The following MOK variants were observed in gnomAD, a reference collection of about 807,000 sequenced individuals.
MOK encodes the protein MAPK/MAK/MRK overlapping kinase.
In MOK, 59 loss-of-function variants were observed where a neutral mutation model predicts 54.2. The ratio of observed to expected loss-of-function variants is 1.09; its 90% CI spans 0.88 to 1.35. The LOEUF is 1.35. Among genes scored for constraint, MOK ranks in the 40% most tolerant of loss-of-function variants. The pLI, the probability that MOK is intolerant of heterozygous loss-of-function variation, is 0.00. For missense variants in MOK, 517 were observed against 526.2 expected, an observed-to-expected ratio of 0.98 and a Z score of 0.17; for synonymous variants, 210 against 202.7, an observed-to-expected ratio of 1.04 and a Z score of -0.31.
chr14:102,250,682 A>T (rs2066454564), intron 7 of MOK, 130 bp downstream of exon 7: 1 of 981,082 alleles, frequency 1.0e-6, no homozygotes, highest in African/African-American at 1.6e-5. Context: ...TTTTCTGTTA[A>T]ATTAAAAACA....
At chr14:102,226,114 A>G (rs1289378233), downstream of MOK, 1 of 575,970 alleles carries the variant, frequency 1.7e-6, no homozygotes, top group East Asian at 3.0e-5. The surrounding 1 kb of genome is among the most constrained non-coding windows in gnomAD (Gnocchi z 4.8). Context: ...CTGTCACACG[A>G]AGACGTGCAC....
At chr14:102,256,104 ATT>A (rs55845343) in intron 4 of MOK, among the ~76,000 whole-genome samples, 3 of 146,690 alleles carry the variant, frequency 2.0e-5, no homozygotes, top group Admixed American at 6.8e-5. Flanking sequence ...AGTTATTATT[ATT>A]TTTTTTTTTT....
the MOK span, among the ~76,000 whole-genome samples, chr14:102,216,637 A>C: frequency 6.6e-6 from 1 of 152,220 alleles, no homozygotes; most frequent in African/African-American, 2.4e-5. Context: ...AAATAAAAAT[A>C]GCTAGTTCTC....
intron 1 of MOK, among the ~76,000 whole-genome samples, chr14:102,285,728 C>T (rs1355965190): frequency 6.6e-6 from 1 of 151,866 alleles, no homozygotes; most frequent in African/African-American, 2.4e-5. Context: ...CACGTCTCTA[C>T]TAAAAATACA....
rs149149830 is a variant in MOK at position 102,236,901 on chromosome 14, G to A, written c.591-3112C>T. On this transcript the variant is annotated intron_variant, in intron 7 of 11. Transcript: ENST00000361847. The surrounding 1 kb of genome is among the most constrained non-coding windows in gnomAD (Gnocchi z 4.5). ...GTTAAAAAATCAGACGGCTCATACC[G>A]ACTCCTGCAAGACCTCCGAGCCATC... 0.01 allele frequency among the ~76,000 whole-genome samples: 1,578 copies of A among 152,054 alleles called. 28 individuals carry two copies. The highest frequency in any genetic ancestry group is 0.035 in the African/African-American group (1,470 of 41,432).
At position 102,232,754 on chromosome 14, in the gene MOK, G is replaced by C; in HGVS notation, c.693-46C>G. Reference sequence around the variant, plus strand: ...TAATAAATGGTCATGCTGTCACTGAGCGCACCGGTGGTCCACTGTCACAAC... The same window carrying C: ...TAATAAATGGTCATGCTGTCACTGACCGCACCGGTGGTCCACTGTCACAAC... On this transcript the variant is annotated intron_variant, in intron 8 of 11. Transcript: ENST00000361847. This position sits in a 1 kb window ranked among gnomAD's most constrained non-coding sequence, Gnocchi z 5.1. 6.4e-7 allele frequency: 1 copy of C among 1,550,452 alleles called. No homozygotes were observed. Among genetic ancestry groups the C allele is most frequent in the Non-Finnish European group, 8.8e-7 (1 of 1,133,520 alleles).
chr14:102,224,104 C>G (rs2064151943), downstream of MOK, among the ~76,000 whole-genome samples: 1 of 147,738 alleles, frequency 6.8e-6, no homozygotes, highest in Non-Finnish European at 1.5e-5. Context: ...TGCAGTGGCG[C>G]AATCTCGGCT....
intron 1 of MOK, among the ~76,000 whole-genome samples, chr14:102,302,036 G>A (rs2072267067): frequency 6.6e-6 from 1 of 151,292 alleles, no homozygotes; most frequent in South Asian, 2.1e-4. Context: ...ACAGGCGTGA[G>A]CCACTGCACC....
chr14:102,247,002 CA>C (rs2066142993), intron 7 of MOK, among the ~76,000 whole-genome samples: 1 of 152,098 alleles, frequency 6.6e-6, no homozygotes, highest in Admixed American at 6.5e-5. Flanking sequence ...ACCTCCTTAA[CA>C]AAAACTCAGA....
In MOK at chr14:102,235,550, C is replaced by CCTCCT. The variant is rs1470688085; in HGVS notation, c.591-1766_591-1762dup. ...TATCAACCCACAGGCCCCTGCCAGA[C>CCTCCT]CTCCTGTAATCATATGATTACTTGC... is the stretch of plus-strand genomic sequence containing the variant. On this transcript the variant is annotated intron_variant, in intron 7 of 11. Coordinates refer to ENST00000361847, the MANE Select transcript of MOK (RefSeq NM_014226.3). The surrounding 1 kb of genome is among the most constrained non-coding windows in gnomAD (Gnocchi z 4.4). 1 of 152,220 alleles carries CCTCCT rather than the reference C, an allele frequency of 6.6e-6. No individual in the cohort carries two copies. Among genetic ancestry groups the CCTCCT allele is most frequent in the African/African-American group, 2.4e-5 (1 of 41,432 alleles). 9.4% of individuals were successfully genotyped at this position (152,220 alleles called of 1,614,324 possible).
intron 4 of MOK, among the ~76,000 whole-genome samples, chr14:102,260,190 A>AG (rs1280388510): frequency 2.0e-5 from 3 of 151,290 alleles, no homozygotes; most frequent in African/African-American, 7.3e-5. Flanking sequence ...AAAAAAAAAA[A>AG]AAAAACTTAG....
chr14:102,232,736 T>A lies in MOK; in HGVS notation c.693-28A>T, dbSNP rs753028317. 5.0e-6 allele frequency: 8 copies of A among 1,594,730 alleles called. No individual in the cohort carries two copies. In the Admixed American group the frequency reaches 1.3e-4, roughly 27 times the overall value. ...GTATTAAAAACCCAATGATAATAAA[T>A]GGTCATGCTGTCACTGAGCGCACCG... On this transcript the variant is annotated intron_variant, in intron 8 of 11. Coordinates refer to ENST00000361847, the MANE Select transcript of MOK (RefSeq NM_014226.3). This position sits in a 1 kb window ranked among gnomAD's most constrained non-coding sequence, Gnocchi z 5.1.
chr14:102,304,718 G>A (rs986926551), intron 1 of MOK, among the ~76,000 whole-genome samples: 50 of 152,208 alleles, frequency 3.3e-4, no homozygotes, highest in African/African-American at 1.2e-3. Flanking sequence ...ACTCGAGTCG[G>A]CTCTCCGAGA....
rs1251315649 is a variant in MOK at position 102,229,111 on chromosome 14, G to A, written c.*178C>T. ...AAGTATATTAGCCCAGAACATCCTA[G>A]GCAGCTGCGCGGGCCGCGGGTGCGG... is the stretch of plus-strand genomic sequence containing the variant. On this transcript the variant is annotated 3_prime_UTR_variant, in exon 12 of 12. Coordinates refer to ENST00000361847, the MANE Select transcript of MOK (RefSeq NM_014226.3). 1.5e-5 allele frequency: 9 copies of A among 610,962 alleles called. No homozygotes were observed. Among genetic ancestry groups the A allele is most frequent in the Admixed American group, 6.7e-5 (2 of 29,720 alleles). 37.8% of individuals were successfully genotyped at this position (610,962 alleles called of 1,614,324 possible). A position where few individuals can be genotyped will look rare whatever the true frequency, so the allele number is the denominator to read the frequency against.
In MOK at chr14:102,229,017, T is replaced by C; in HGVS notation, c.*272A>G. On this transcript the variant is annotated 3_prime_UTR_variant, in exon 12 of 12. Transcript: ENST00000361847. ...CGTTTGTTTTGATTCATATACAAAG[T>C]TACAAAGTATTTCCTGCCCCAAATT... 3 of 482,972 alleles carry C rather than the reference T, an allele frequency of 6.2e-6. No individual in the cohort carries two copies. Among genetic ancestry groups the C allele is most frequent in the Non-Finnish European group, 1.1e-5 (3 of 275,708 alleles). The allele number at this position is 482,972 out of a possible 1,614,324, so 29.9% of individuals were successfully genotyped here.
chr14:102,248,290 G>A (rs183554791), intron 7 of MOK, among the ~76,000 whole-genome samples: 1 of 152,150 alleles, frequency 6.6e-6, no homozygotes, highest in East Asian at 1.9e-4. Flanking sequence ...TAGGCGCCAC[G>A]GTAAAGCCAG....
At position 102,232,483 on chromosome 14, in the gene MOK, T is replaced by A; in HGVS notation, c.866+52A>T. On this transcript the variant is annotated intron_variant, in intron 9 of 11. Coordinates refer to ENST00000361847, the MANE Select transcript of MOK (RefSeq NM_014226.3). The surrounding 1 kb of genome is among the most constrained non-coding windows in gnomAD (Gnocchi z 5.1). ...CCTTGCCCCACCATGTGCCCATGGG[T>A]CTCATTTGCCAGGTCCTGCATCTGC... The A allele has an allele frequency of 1.3e-6, 2 of 1,562,976 alleles. No homozygotes were observed. Among genetic ancestry groups the A allele is most frequent in the Non-Finnish European group, 1.7e-6 (2 of 1,148,110 alleles).
chr14:102,278,381 T>TAAA (rs71305084), intron 2 of MOK, among the ~76,000 whole-genome samples: 6 of 132,734 alleles, frequency 4.5e-5, no homozygotes, highest in African/African-American at 1.1e-4. Flanking sequence ...TACTTTTAAG[T>TAAA]AAAAAAAAAA....
In MOK at chr14:102,278,571, G is replaced by A. The variant is rs575732511; in HGVS notation, c.122+4907C>T. The A allele has an allele frequency of 1.6e-5, 7 of 429,928 alleles. No individual in the cohort carries two copies. The East Asian group carries it at 2.9e-4, about 18-fold the overall frequency. 26.6% of individuals were successfully genotyped at this position (429,928 alleles called of 1,614,324 possible). A position where few individuals can be genotyped will look rare whatever the true frequency, so the allele number is the denominator to read the frequency against. ...ATCAGCATCTGCAGCTGGGAAGAAC[G>A]GTGGGAAGATCACCAGCTCAGGACC... On this transcript the variant is annotated intron_variant, in intron 2 of 11. Coordinates refer to ENST00000361847, the MANE Select transcript of MOK (RefSeq NM_014226.3).
Sources: gnomAD v4.1 joint callset for allele counts (sites outside exome capture counted in the v4.1 genomes callset) on GRCh38, gnomAD v4.1.1 for gene constraint, Gnocchi (gnomAD v3.1) non-coding constraint, MANE v1.5 for transcripts, NCBI Gene and HGNC (gene_info 2026-07-23, HGNC 2026-07-21) for gene names.